The following TNNI3K variants were observed in gnomAD, a reference collection of about 807,000 sequenced individuals.
TNNI3K encodes TNNI3 interacting kinase, also known as serine/threonine-protein kinase TNNI3K.
In TNNI3K, 140 loss-of-function variants were observed where a neutral mutation model predicts 114.5. The ratio of observed to expected loss-of-function variants is 1.22; its 90% confidence interval spans 1.07 to 1.41. The LOEUF (loss-of-function observed/expected upper bound fraction) is 1.41, where lower values mean the gene tolerates loss of function less well. TNNI3K is among the 40% of genes most tolerant of loss of function. TNNI3K has a pLI of 0.00. For missense variants in TNNI3K, 1,125 were observed against 1,007.6 expected (o/e 1.12, Z -1.58); for synonymous variants, 347 against 347.5 (o/e 1.00, Z 0.02).
In TNNI3K at chr1:74,543,956, A is replaced by T. The variant is rs199605699; in HGVS notation, c.2482A>T (p.Ser828Cys). 2.5e-6 allele frequency: 4 copies of T among 1,613,404 alleles called. No individual in the cohort carries two copies. The highest frequency in any genetic ancestry group is 1.7e-4 in the Middle Eastern group (1 of 6,058). Reference sequence around the variant, plus strand: ...AATGCATTTTCATTCTTGCCGAAATAGTAGCAGCTTTGAGGACAGCAGCTG... The same window carrying T: ...AATGCATTTTCATTCTTGCCGAAATTGTAGCAGCTTTGAGGACAGCAGCTG... The part of the protein sequence containing the change: ...SSMHFHSCRN[S>C]SSFEDSS Residue 828 changes from serine to cysteine, a missense_variant, in exon 25 of 25, where the codon AGT (serine) becomes TGT (cysteine). Physicochemically the swap from Ser to Cys is moderately radical, Grantham distance 112 (BLOSUM62 -1). Coordinates refer to ENST00000326637, the MANE Select transcript of TNNI3K (RefSeq NM_015978.3).
intron 21 of TNNI3K, among the ~76,000 whole-genome samples, chr1:74,474,662 G>A (rs189614165): frequency 1.3e-5 from 2 of 152,212 alleles, no homozygotes; most frequent in South Asian, 2.1e-4. Context: ...AAAGGAAGAC[G>A]TTTAATTCAT....
At chr1:74,395,024 A>G (rs549323743) in intron 17 of TNNI3K, among the ~76,000 whole-genome samples, 1 of 151,056 alleles carries the variant, frequency 6.6e-6, no homozygotes, top group Non-Finnish European at 1.5e-5. Context: ...AGCCTGGGCG[A>G]CAGAGCAAGA....
intron 5 of TNNI3K, among the ~76,000 whole-genome samples, chr1:74,297,381 T>C (rs1466492631): frequency 6.6e-6 from 1 of 152,130 alleles, no homozygotes; most frequent in African/African-American, 2.4e-5. Context: ...CGTAAGATCA[T>C]AGTAGTGGAG....
At chr1:74,408,560 T>G (rs1021463968) in intron 17 of TNNI3K, among the ~76,000 whole-genome samples, 3 of 152,212 alleles carry the variant, frequency 2.0e-5, no homozygotes, top group African/African-American at 7.2e-5. Context: ...TTATTCATTC[T>G]TTCCAAGAAA....
chr1:74,458,654 G>A (rs1667325566), intron 20 of TNNI3K, among the ~76,000 whole-genome samples: 1 of 152,094 alleles, frequency 6.6e-6, no homozygotes, highest in African/African-American at 2.4e-5. Flanking sequence ...TTGCTGTTAA[G>A]CTATCATCTT....
At chr1:74,270,384 CT>C (rs544923962) in intron 4 of TNNI3K, among the ~76,000 whole-genome samples, 17 of 150,056 alleles carry the variant, frequency 1.1e-4, no homozygotes, top group Non-Finnish European at 2.2e-4. Flanking sequence ...AAAAACAAAA[CT>C]TTTTTTTTAA....
intron 4 of TNNI3K, among the ~76,000 whole-genome samples, chr1:74,252,114 A>AT (rs757257814): frequency 9.9e-5 from 15 of 152,208 alleles, no homozygotes; most frequent in Non-Finnish European, 1.3e-4. Flanking sequence ...CGTCTGGGAG[A>AT]TTTTTTCTGT....
At chr1:74,377,920 A>G (rs1438347225) in intron 17 of TNNI3K, among the ~76,000 whole-genome samples, 2 of 152,072 alleles carry the variant, frequency 1.3e-5, no homozygotes, top group African/African-American at 2.4e-5. Flanking sequence ...ACATATAAGT[A>G]TACATATTTA....
At chr1:74,404,958 G>A (rs1024360166) in intron 17 of TNNI3K, among the ~76,000 whole-genome samples, 15 of 152,114 alleles carry the variant, frequency 9.9e-5, no homozygotes, top group African/African-American at 3.4e-4. Flanking sequence ...TGTGGCAGTC[G>A]TTGACTATAT....
chr1:74,419,209 C>G (rs887175000), intron 17 of TNNI3K, among the ~76,000 whole-genome samples: 11 of 151,988 alleles, frequency 7.2e-5, no homozygotes, highest in Non-Finnish European at 1.6e-4. Context: ...TCATATCACT[C>G]CAATGTCTGC....
intron 5 of TNNI3K, among the ~76,000 whole-genome samples, chr1:74,299,475 G>A (rs532231102): frequency 2.0e-5 from 3 of 152,128 alleles, no homozygotes; most frequent in African/African-American, 7.2e-5. Flanking sequence ...CTGAACTATT[G>A]TGAAATAAAT....
At chr1:74,438,363 A>T (rs1224006839) in intron 19 of TNNI3K, among the ~76,000 whole-genome samples, 1 of 152,092 alleles carries the variant, frequency 6.6e-6, no homozygotes, top group African/African-American at 2.4e-5. Context: ...GTAACTATGC[A>T]TGGTTTCAAA....
At chr1:74,370,981 G>A (rs942931968) in intron 17 of TNNI3K, 1 of 151,840 alleles carries the variant, frequency 6.6e-6, no homozygotes, top group Non-Finnish European at 1.5e-5. Flanking sequence ...AGCAGTGTTG[G>A]GTGAAGGTAA....
intron 17 of TNNI3K, among the ~76,000 whole-genome samples, chr1:74,391,481 A>G (rs991664859): frequency 3.3e-5 from 5 of 152,192 alleles, no homozygotes; most frequent in Non-Finnish European, 7.3e-5. Flanking sequence ...AAATAGGCAG[A>G]CACAGGTGAG....
At chr1:74,385,704 C>A (rs570276289) in intron 17 of TNNI3K, among the ~76,000 whole-genome samples, 16 of 152,288 alleles carry the variant, frequency 1.1e-4, no homozygotes, top group African/African-American at 3.6e-4. Context: ...GTTAAGAGTT[C>A]AGTCCAAGCA....
intron 21 of TNNI3K, chr1:74,464,888 TTAAGAA>T (rs1256283806): frequency 7.7e-7 from 1 of 1,302,050 alleles, no homozygotes; most frequent in African/African-American, 1.5e-5. Context: ...AGCTGGATGC[TTAAGAA>T]TGTTTGTTGA....
chr1:74,474,595 A>G (rs1668099476), intron 21 of TNNI3K, among the ~76,000 whole-genome samples: 1 of 152,162 alleles, frequency 6.6e-6, no homozygotes, highest in African/African-American at 2.4e-5. Context: ...TTTACAGAGC[A>G]GCTGTCAACA....
chr1:74,460,520 C>T (rs1353449523), intron 20 of TNNI3K, among the ~76,000 whole-genome samples: 1 of 152,194 alleles, frequency 6.6e-6, no homozygotes, highest in African/African-American at 2.4e-5. Flanking sequence ...GGCAAAGTCT[C>T]ATTCTTTAAA....
At chr1:74,504,649 T>C (rs1490301883) in intron 23 of TNNI3K, among the ~76,000 whole-genome samples, 6 of 152,088 alleles carry the variant, frequency 3.9e-5, no homozygotes, top group Non-Finnish European at 8.8e-5. Flanking sequence ...AAAAAAAATT[T>C]AAGTACCTGG....
Sources: gnomAD v4.1 joint callset for allele counts (sites outside exome capture counted in the v4.1 genomes callset) on GRCh38, gnomAD v4.1.1 for gene constraint, MANE v1.5 for transcripts, NCBI Gene and HGNC (gene_info 2026-07-23, HGNC 2026-07-21) for gene names.